Variants in FBN1 observed in about 807,000 individuals in gnomAD.
FBN1 encodes the protein fibrillin 1.
In FBN1, 29 loss-of-function variants were observed where a neutral mutation model predicts 365.1. The ratio of observed to expected loss-of-function variants is 0.08; its 90% CI spans 0.06 to 0.11. The LOEUF (loss-of-function observed/expected upper bound fraction) is 0.11. FBN1 is among the 10% of genes least tolerant of loss of function. FBN1 has a pLI of 1.00. For synonymous variants in FBN1, 1,210 were observed against 1,270.5 expected, an observed-to-expected ratio of 0.95 and a Z score of 1.01; for missense variants, 2,476 against 3,703.2, an observed-to-expected ratio of 0.67 and a Z score of 8.60.
At chr15:48,637,719 C>T (rs561303799) in intron 2 of FBN1, among the ~76,000 whole-genome samples, 4 of 152,232 alleles carry the variant, frequency 2.6e-5, no homozygotes, top group Non-Finnish European at 5.9e-5. Flanking sequence ...GAACATGTGC[C>T]GCATACCCAG....
chr15:48,532,504 G>A (rs1047737029), intron 8 of FBN1, among the ~76,000 whole-genome samples: 16 of 150,940 alleles, frequency 1.1e-4, no homozygotes, highest in African/African-American at 3.9e-4. Context: ...ATATATATGT[G>A]TATGTGTGTG....
chr15:48,516,081 T>C, intron 11 of FBN1, 102 bp downstream of exon 11: 1 of 1,176,480 alleles, frequency 8.5e-7, no homozygotes, highest in Non-Finnish European at 1.2e-6. Context: ...AATATAACAA[T>C]TTACAAACTT....
At chr15:48,468,617 G>A in intron 36 of FBN1, 83 bp from the exon 37 acceptor site, 1 of 1,469,062 alleles carries the variant, frequency 6.8e-7, no homozygotes, top group East Asian at 2.3e-5. Context: ...GCCCAATCTA[G>A]AGCTCCAAAC....
chr15:48,441,918 T>C, intron 49 of FBN1, 72 bp from the exon 50 acceptor site: 1 of 1,546,764 alleles, frequency 6.5e-7, no homozygotes, highest in Non-Finnish European at 8.9e-7. Flanking sequence ...ACACACAATG[T>C]GGACACACAA....
intron 9 of FBN1, among the ~76,000 whole-genome samples, chr15:48,522,400 G>A (rs1384307226): frequency 6.6e-6 from 1 of 151,928 alleles, no homozygotes; most frequent in African/African-American, 2.4e-5. Flanking sequence ...GAATCATCCT[G>A]AAACCATCCT....
At chr15:48,585,497 T>G (rs780127810) in intron 6 of FBN1, among the ~76,000 whole-genome samples, 1 of 152,236 alleles carries the variant, frequency 6.6e-6, no homozygotes, top group Non-Finnish European at 1.5e-5. Context: ...TTATAAATAT[T>G]GTTGTCCAGA....
chr15:48,559,197 CTATCTTAGG>C (rs1478186764), intron 6 of FBN1, among the ~76,000 whole-genome samples: 1 of 152,110 alleles, frequency 6.6e-6, no homozygotes, highest in Non-Finnish European at 1.5e-5. Flanking sequence ...ACCATTCTCT[CTATCTTAGG>C]TATGTGCTCC....
At chr15:48,416,106 G>A (rs990944127) in intron 63 of FBN1, among the ~76,000 whole-genome samples, 2 of 152,120 alleles carry the variant, frequency 1.3e-5, no homozygotes, top group African/African-American at 4.8e-5. Flanking sequence ...GTAAACATCC[G>A]GTCATGAACC....
chr15:48,505,990 A>T (rs1469414552), intron 15 of FBN1, among the ~76,000 whole-genome samples: 1 of 152,214 alleles, frequency 6.6e-6, no homozygotes, highest in East Asian at 1.9e-4. Flanking sequence ...TGGGAGGCTA[A>T]GGTGGGCAGA....
At chr15:48,557,870 C>A (rs1462207534) in intron 6 of FBN1, among the ~76,000 whole-genome samples, 1 of 152,198 alleles carries the variant, frequency 6.6e-6, no homozygotes, top group Non-Finnish European at 1.5e-5. Flanking sequence ...ACCTTGAATA[C>A]TATGCCTGAA....
chr15:48,486,465 A>G (rs1366162729), intron 29 of FBN1, among the ~76,000 whole-genome samples: 1 of 152,198 alleles, frequency 6.6e-6, no homozygotes, highest in African/African-American at 2.4e-5. Context: ...GCCACTCTTC[A>G]CAGCACGACT....
At chr15:48,548,641 C>A (rs2044115714) in intron 6 of FBN1, among the ~76,000 whole-genome samples, 1 of 152,150 alleles carries the variant, frequency 6.6e-6, no homozygotes, top group Non-Finnish European at 1.5e-5. Context: ...AGATTTACAT[C>A]AGCTTGGCCA....
chr15:48,582,990 A>T (rs2044407221), intron 6 of FBN1, among the ~76,000 whole-genome samples: 1 of 152,236 alleles, frequency 6.6e-6, no homozygotes. Context: ...AATGTGCTAT[A>T]GAAAAATGTA....
At chr15:48,602,782 T>C (rs912692196) in intron 4 of FBN1, among the ~76,000 whole-genome samples, 1 of 152,154 alleles carries the variant, frequency 6.6e-6, no homozygotes, top group African/African-American at 2.4e-5. Flanking sequence ...AAAAAAATGA[T>C]TTAGTGAAAA....
chr15:48,572,919 A>G (rs1258932186), intron 6 of FBN1, among the ~76,000 whole-genome samples: 1 of 152,170 alleles, frequency 6.6e-6, no homozygotes, highest in Non-Finnish European at 1.5e-5. Context: ...TTAAAAAACA[A>G]GAGGCGAAGG....
chr15:48,526,952 T>C (rs2043919973), intron 8 of FBN1, among the ~76,000 whole-genome samples: 1 of 152,154 alleles, frequency 6.6e-6, no homozygotes, highest in Admixed American at 6.5e-5. Flanking sequence ...TCGCCCGAGG[T>C]CACACCCTTC....
At chr15:48,506,837 T>C (rs2043712099) in intron 15 of FBN1, among the ~76,000 whole-genome samples, 1 of 152,188 alleles carries the variant, frequency 6.6e-6, no homozygotes, top group South Asian at 2.1e-4. Flanking sequence ...TTTTTCATCC[T>C]TTAGTCTTAT....
Position 48,437,329 on chromosome 15 carries a change from T to G in FBN1, c.6372A>C (p.Ser2124=), listed in dbSNP as rs397515832. The change falls in exon 52 of 66, where the codon TCA becomes TCC. Residue 2124 remains serine, a synonymous_variant. Coordinates refer to ENST00000316623, the MANE Select transcript of FBN1 (RefSeq NM_000138.5). ...CCAGCACAGGCAACTGACCAACTGCTGAATCATCAGGTCCCACGATGATCC... is the reference window on the plus strand; with the variant it reads ...CCAGCACAGGCAACTGACCAACTGCGGAATCATCAGGTCCCACGATGATCC... ...GSGIIVGPDD[S]AVDMDECKEP... 3.1e-6 allele frequency: 5 copies of G among 1,613,366 alleles called. No individual in the cohort carries two copies. In the South Asian group the frequency reaches 4.4e-5, roughly 14 times the overall value.
chr15:48,613,994 C>G (rs898384318), intron 2 of FBN1, among the ~76,000 whole-genome samples: 3 of 152,176 alleles, frequency 2.0e-5, no homozygotes, highest in African/African-American at 7.2e-5. Context: ...CAGTGTCACT[C>G]TGGGTTTCTT....
Sources: allele counts gnomAD v4.1 joint callset (sites outside exome capture counted in the v4.1 genomes callset), GRCh38; gene constraint gnomAD v4.1.1; transcripts MANE v1.5; gene names NCBI Gene and HGNC (gene_info 2026-07-23, HGNC 2026-07-21).